The following PCDHA8 variants were observed in gnomAD, a reference collection of about 807,000 sequenced individuals.
PCDHA8 encodes the protein protocadherin alpha 8.
A neutral mutation model predicts 61.8 loss-of-function variants in PCDHA8; 53 were observed. The observed-to-expected ratio is 0.86, with a 90% CI of 0.69 to 1.08. The LOEUF (loss-of-function observed/expected upper bound fraction) is 1.08. Among genes scored for constraint, PCDHA8 ranks in the 50% least tolerant of loss-of-function variants. PCDHA8 has a pLI of 0.00. For synonymous variants in PCDHA8, 618 were observed against 556.6 expected, an observed-to-expected ratio of 1.11 and a Z score of -1.55; for missense variants, 1,293 against 1,245.0, an observed-to-expected ratio of 1.04 and a Z score of -0.58.
Position 140,968,974 on chromosome 5 carries a change from G to A in PCDHA8, c.2395-9975G>A, listed in dbSNP as rs17119326. 3.9e-3 allele frequency: 6,227 copies of A among 1,614,174 alleles called. 151 individuals carry two copies. The African/African-American group carries it at 0.06, about 16-fold the overall frequency. On this transcript the variant is annotated intron_variant, in intron 1 of 3. Coordinates refer to ENST00000531613, the MANE Select transcript of PCDHA8 (RefSeq NM_018911.3). Reference sequence around the variant, plus strand: ...TCATCAAGTGCTACCGCTACACTGCGTATGGCACTGCATGCTGTGGAGGCT... The same window carrying A: ...TCATCAAGTGCTACCGCTACACTGCATATGGCACTGCATGCTGTGGAGGCT...
chr5:140,876,560 C>T (rs2056422143), intron 1 of PCDHA8: 2 of 1,614,068 alleles, frequency 1.2e-6, no homozygotes, highest in African/African-American at 2.7e-5. Flanking sequence ...CAAGAGGATG[C>T]TCAGGTGGGT....
intron 1 of PCDHA8, among the ~76,000 whole-genome samples, chr5:140,949,539 A>G (rs971813092): frequency 6.6e-6 from 1 of 151,744 alleles, no homozygotes; most frequent in Admixed American, 6.6e-5. Context: ...TAAAATATCG[A>G]TTTGTTGCTG....
At chr5:140,955,469 T>C (rs1324804121) in intron 1 of PCDHA8, among the ~76,000 whole-genome samples, 11 of 152,208 alleles carry the variant, frequency 7.2e-5, no homozygotes, top group Middle Eastern at 3.4e-3. Flanking sequence ...CCTTTTTGCT[T>C]GGCACCTCTC....
intron 1 of PCDHA8, among the ~76,000 whole-genome samples, chr5:140,953,094 C>A (rs2094845891): frequency 6.6e-6 from 1 of 152,172 alleles, no homozygotes; most frequent in South Asian, 2.1e-4. Flanking sequence ...TACAATTTGA[C>A]ATGAGATTTG....
At chr5:140,924,872 G>C (rs1161649938) in intron 1 of PCDHA8, among the ~76,000 whole-genome samples, 1 of 149,350 alleles carries the variant, frequency 6.7e-6, no homozygotes, top group Non-Finnish European at 1.5e-5. Context: ...TCCAGCCTGG[G>C]TGACAGAGCA....
At position 140,969,285 on chromosome 5, in the gene PCDHA8, C is replaced by T. The variant is rs782734189; in HGVS notation, c.2395-9664C>T. The stretch of plus-strand genomic sequence containing the variant: ...CTCACAGGCCAAAGTGGTCAGAATG[C>T]TGGGAACCTGATTATTCTCAAAAAT... On this transcript the variant is annotated intron_variant, in intron 1 of 3. Coordinates refer to ENST00000531613, the MANE Select transcript of PCDHA8 (RefSeq NM_018911.3). 51 of 1,614,062 alleles carry T rather than the reference C, an allele frequency of 3.2e-5. No individual in the cohort carries two copies. The highest frequency in any genetic ancestry group is 4.3e-5 in the Non-Finnish European group (51 of 1,180,038).
At chr5:140,902,854 C>T (rs186872091) in intron 1 of PCDHA8, among the ~76,000 whole-genome samples, 154 of 152,240 alleles carry the variant, frequency 1.0e-3, no homozygotes, top group Middle Eastern at 3.4e-3. Flanking sequence ...AGAAAAATGG[C>T]GTCCAGGTCC....
intron 1 of PCDHA8, chr5:140,884,353 T>C: frequency 1.2e-6 from 2 of 1,613,886 alleles, no homozygotes; most frequent in Non-Finnish European, 1.7e-6. Context: ...CGCTGGTGGA[T>C]GTCAATGTTT....
At chr5:140,922,385 C>A (rs1267053151) in intron 1 of PCDHA8, among the ~76,000 whole-genome samples, 5 of 152,156 alleles carry the variant, frequency 3.3e-5, no homozygotes, top group Non-Finnish European at 7.4e-5. Context: ...AAACCAAAGA[C>A]TCCTTGTTTT....
chr5:140,923,396 T>C (rs2081343835), intron 1 of PCDHA8, among the ~76,000 whole-genome samples: 1 of 152,058 alleles, frequency 6.6e-6, no homozygotes, highest in Non-Finnish European at 1.5e-5. Context: ...GGCATGGTGG[T>C]GTGTGCCTAT....
At chr5:140,876,637 C>G (rs1554168755) in intron 1 of PCDHA8, 1 of 1,614,088 alleles carries the variant, frequency 6.2e-7, no homozygotes, top group Non-Finnish European at 8.5e-7. Flanking sequence ...CATCTGCTCA[C>G]TGACACCTCA....
intron 1 of PCDHA8, chr5:140,865,997 T>C (rs990195272): frequency 2.6e-5 from 4 of 152,210 alleles, no homozygotes; most frequent in Admixed American, 6.5e-5. Context: ...AGTTTTTTTA[T>C]GTTAAGTGAT....
At chr5:140,967,206 G>A in intron 1 of PCDHA8, 2 of 1,613,644 alleles carry the variant, frequency 1.2e-6, no homozygotes, top group South Asian at 2.2e-5. Flanking sequence ...AACTCACCGC[G>A]TTTCCCGCGG....
chr5:140,857,140 G>A, intron 1 of PCDHA8: 1 of 1,598,276 alleles, frequency 6.3e-7, no homozygotes, highest in Non-Finnish European at 8.6e-7. Context: ...ATGCTCAAGT[G>A]GGCACCGTCA....
At chr5:140,929,258 T>C (rs1288767035) in intron 1 of PCDHA8, 2 of 1,612,832 alleles carry the variant, frequency 1.2e-6, no homozygotes, top group Non-Finnish European at 1.7e-6. Flanking sequence ...GGGGTAGGAC[T>C]GAATTTGCCA....
chr5:140,901,658 G>T (rs1554189962), intron 1 of PCDHA8, among the ~76,000 whole-genome samples: 1 of 151,936 alleles, frequency 6.6e-6, no homozygotes, highest in Admixed American at 6.6e-5. Flanking sequence ...TGTTCTTTTT[G>T]CTCAAGATAC....
intron 1 of PCDHA8, among the ~76,000 whole-genome samples, chr5:140,920,659 C>T (rs1325541731): frequency 1.3e-5 from 2 of 152,098 alleles, no homozygotes; most frequent in East Asian, 3.9e-4. Flanking sequence ...TCCTTGCCAA[C>T]ATGGTGAAAC....
intron 1 of PCDHA8, chr5:140,928,385 T>G: frequency 6.2e-7 from 1 of 1,614,046 alleles, no homozygotes; most frequent in Middle Eastern, 1.7e-4. Flanking sequence ...TCTAGCTTGC[T>G]GGCAGTGGAA....
Position 140,862,369 on chromosome 5 carries a change from C to A in PCDHA8, c.2394+18654C>A, listed in dbSNP as rs1265761765. On this transcript the variant is annotated intron_variant, in intron 1 of 3. Coordinates refer to ENST00000531613, the MANE Select transcript of PCDHA8 (RefSeq NM_018911.3). ...GTGCCAAGGGACAGACGACCCGCAC[C>A]CTGACTCCTCACGTCTCTTCAAGCT... The A allele has an allele frequency of 1.8e-5, 6 of 341,324 alleles. No individual in the cohort carries two copies. In the Admixed American group the frequency reaches 2.3e-4, roughly 13 times the overall value. The allele number at this position is 341,324 out of a possible 1,614,324, so 21.1% of individuals were successfully genotyped here. A position where few individuals can be genotyped will look rare whatever the true frequency, so the allele number is the denominator to read the frequency against.
Sources: gnomAD v4.1 joint callset for allele counts (sites outside exome capture counted in the v4.1 genomes callset) on GRCh38, gnomAD v4.1.1 for gene constraint, MANE v1.5 for transcripts, NCBI Gene and HGNC (gene_info 2026-07-23, HGNC 2026-07-21) for gene names.